Variants in GPC5 observed in about 807,000 individuals in gnomAD.
The protein encoded by GPC5 is glypican 5.
In GPC5, 47 loss-of-function variants were observed where a neutral mutation model predicts 53.9. The ratio of observed to expected loss-of-function variants is 0.87; its 90% confidence interval spans 0.69 to 1.11. GPC5 has a LOEUF of 1.11. Ranked by LOEUF, GPC5 falls within the 50% of genes most tolerant of loss-of-function variation. The pLI, the probability that GPC5 is intolerant of heterozygous loss-of-function variation, is 0.00. For synonymous variants in GPC5, 286 were observed against 263.3 expected, an observed-to-expected ratio of 1.09 and a Z score of -0.84; for missense variants, 748 against 713.1, an observed-to-expected ratio of 1.05 and a Z score of -0.56.
At chr13:91,427,371 C>T (rs1345535451) in intron 1 of GPC5, among the ~76,000 whole-genome samples, 1 of 152,206 alleles carries the variant, frequency 6.6e-6, no homozygotes, top group Non-Finnish European at 1.5e-5. Context: ...GATCCCACCT[C>T]TTGCATCAGT....
intron 7 of GPC5, among the ~76,000 whole-genome samples, chr13:92,165,884 T>G (rs375432184): frequency 6.6e-6 from 1 of 152,216 alleles, no homozygotes; most frequent in East Asian, 1.9e-4. Flanking sequence ...ACAGATGCAT[T>G]GAATTCTTTG....
At chr13:92,180,263 T>C (rs993646089) in intron 7 of GPC5, among the ~76,000 whole-genome samples, 4 of 152,210 alleles carry the variant, frequency 2.6e-5, no homozygotes, top group African/African-American at 9.6e-5. Flanking sequence ...AGCTTTTTAA[T>C]TTCATTTCCA....
chr13:91,612,124 A>G (rs1382456120), intron 2 of GPC5, among the ~76,000 whole-genome samples: 1 of 152,170 alleles, frequency 6.6e-6, no homozygotes, highest in Non-Finnish European at 1.5e-5. Flanking sequence ...TTTCTGTCAT[A>G]TGAGACTGAG....
intron 7 of GPC5, among the ~76,000 whole-genome samples, chr13:92,801,461 A>G (rs1207849303): frequency 6.6e-6 from 1 of 151,852 alleles, no homozygotes; most frequent in Non-Finnish European, 1.5e-5. Context: ...TCTATAGTAC[A>G]TAATATTTGA....
intron 7 of GPC5, among the ~76,000 whole-genome samples, chr13:92,254,975 C>T (rs1198426436): frequency 6.6e-6 from 1 of 152,190 alleles, no homozygotes. Context: ...CCAAAAAAGA[C>T]CCCAAAATAA....
At chr13:92,635,680 G>T (rs1594369585) in intron 7 of GPC5, among the ~76,000 whole-genome samples, 1 of 152,218 alleles carries the variant, frequency 6.6e-6, no homozygotes, top group Non-Finnish European at 1.5e-5. Context: ...AACCCTGTCT[G>T]ATTATTGGTA....
intron 7 of GPC5, among the ~76,000 whole-genome samples, chr13:92,544,960 G>A (rs1882052166): frequency 6.6e-6 from 1 of 151,662 alleles, no homozygotes; most frequent in Admixed American, 6.6e-5. Flanking sequence ...GGGTACCTGT[G>A]CACAACGTGC....
At chr13:92,073,649 A>G (rs2041230698) in intron 6 of GPC5, among the ~76,000 whole-genome samples, 1 of 152,220 alleles carries the variant, frequency 6.6e-6, no homozygotes. Flanking sequence ...CATCAATGGT[A>G]TACCATGTAT....
At chr13:91,432,594 C>A (rs559887725) in intron 1 of GPC5, among the ~76,000 whole-genome samples, 4 of 151,998 alleles carry the variant, frequency 2.6e-5, no homozygotes, top group African/African-American at 9.7e-5. Flanking sequence ...TGTCGGTTGC[C>A]AAGTGTTACT....
At chr13:91,866,942 G>C (rs1029407198) in intron 5 of GPC5, among the ~76,000 whole-genome samples, 1 of 152,048 alleles carries the variant, frequency 6.6e-6, no homozygotes, top group East Asian at 1.9e-4. Flanking sequence ...ATGTGGGGAC[G>C]TGGTGGCTCA....
chr13:92,494,244 T>G (rs1053259352), intron 7 of GPC5, among the ~76,000 whole-genome samples: 1 of 152,024 alleles, frequency 6.6e-6, no homozygotes, highest in Non-Finnish European at 1.5e-5. Context: ...CGCCCGCCAC[T>G]ACGCCCGGCT....
intron 7 of GPC5, among the ~76,000 whole-genome samples, chr13:92,274,325 G>C (rs1254467475): frequency 6.6e-6 from 1 of 151,998 alleles, no homozygotes; most frequent in Non-Finnish European, 1.5e-5. Flanking sequence ...ACAGACAGTA[G>C]ATCAGGCCAT....
At chr13:91,465,935 T>C (rs1882210092) in intron 2 of GPC5, among the ~76,000 whole-genome samples, 1 of 152,174 alleles carries the variant, frequency 6.6e-6, no homozygotes, top group African/African-American at 2.4e-5. Context: ...GTTGAATTAA[T>C]CCAAATCAAA....
intron 7 of GPC5, among the ~76,000 whole-genome samples, chr13:92,221,006 A>T (rs2139087608): frequency 6.6e-6 from 1 of 152,046 alleles, no homozygotes; most frequent in East Asian, 1.9e-4. Flanking sequence ...TTGGGGAGGG[A>T]TGTACCTCAG....
intron 2 of GPC5, among the ~76,000 whole-genome samples, chr13:91,584,238 T>G (rs921396689): frequency 2.0e-5 from 3 of 151,398 alleles, no homozygotes; most frequent in African/African-American, 7.3e-5. Flanking sequence ...AATTGTTAAG[T>G]TTTTTTTTGC....
Position 91,563,766 on chromosome 13 carries a change from C to A in GPC5, c.325+114844C>A, listed in dbSNP as rs921405770. On this transcript the variant is annotated intron_variant, in intron 2 of 7. Transcript: ENST00000377067. ...TCTTTGCCTCCCTTCCCTCCTCAGGCTTTTCCCTTCACTCTGACCAATTCC... is the reference window on the plus strand; with the variant it reads ...TCTTTGCCTCCCTTCCCTCCTCAGGATTTTCCCTTCACTCTGACCAATTCC... Among the ~76,000 whole-genome samples the A allele has an allele frequency of 2.0e-5, 3 of 152,098 alleles. No individual in the cohort carries two copies. The East Asian group carries it at 5.8e-4, about 29-fold the overall frequency.
intron 7 of GPC5, among the ~76,000 whole-genome samples, chr13:92,744,250 A>G (rs1294643696): frequency 1.3e-5 from 2 of 152,010 alleles, no homozygotes; most frequent in South Asian, 2.1e-4. Context: ...AAATATGTAC[A>G]TAGAGCTGAA....
At chr13:92,373,654 G>A (rs2043669170) in intron 7 of GPC5, among the ~76,000 whole-genome samples, 1 of 152,118 alleles carries the variant, frequency 6.6e-6, no homozygotes, top group African/African-American at 2.4e-5. Flanking sequence ...ATAATATTCT[G>A]TTGTTGAACA....
intron 7 of GPC5, among the ~76,000 whole-genome samples, chr13:92,426,866 G>C (rs1033580314): frequency 6.6e-6 from 1 of 152,002 alleles, no homozygotes; most frequent in Non-Finnish European, 1.5e-5. Context: ...CTACTTAACT[G>C]TAGAGAATTA....
Sources: allele counts gnomAD v4.1 joint callset (sites outside exome capture counted in the v4.1 genomes callset), GRCh38; gene constraint gnomAD v4.1.1; transcripts MANE v1.5; gene names NCBI Gene and HGNC (gene_info 2026-07-23, HGNC 2026-07-21).